The following WHRN variants were observed in gnomAD, a reference collection of about 807,000 sequenced individuals.
WHRN encodes the protein whirlin.
Under a neutral mutation model 68.3 loss-of-function variants are expected in WHRN, and 41 were observed. The observed-to-expected ratio is 0.60, with a 90% CI of 0.47 to 0.78. WHRN has a LOEUF of 0.78. Ranked by LOEUF, WHRN falls within the 30% of genes least tolerant of loss-of-function variation. The pLI is 0.00. For missense variants in WHRN, 1,243 were observed against 1,244.7 expected (o/e 1.00, Z 0.02); for synonymous variants, 560 against 561.3 (o/e 1.00, Z 0.03).
intron 1 of WHRN, among the ~76,000 whole-genome samples, chr9:114,488,113 A>G (rs10982246): frequency 0.4 from 60,090 of 152,074 alleles, 14,283 homozygotes; most frequent in East Asian, 0.59. Flanking sequence ...ATTCTCAAAC[A>G]GTGTTCAACC....
At chr9:114,492,292 A>G (rs1843050941) in intron 1 of WHRN, among the ~76,000 whole-genome samples, 1 of 152,230 alleles carries the variant, frequency 6.6e-6, no homozygotes, top group Admixed American at 6.5e-5. Context: ...AGACAGCCCA[A>G]GGAATTATTA....
intron 3 of WHRN, among the ~76,000 whole-genome samples, chr9:114,432,511 T>C (rs1336577743): frequency 6.6e-6 from 1 of 152,234 alleles, no homozygotes; most frequent in Non-Finnish European, 1.5e-5. Flanking sequence ...AGTGGCCATC[T>C]GGTGTGTGTT....
chr9:114,496,610 C>T (rs1843483391), intron 1 of WHRN, among the ~76,000 whole-genome samples: 1 of 152,310 alleles, frequency 6.6e-6, no homozygotes, highest in East Asian at 1.9e-4. Flanking sequence ...CAGTCCATAC[C>T]ATTTTTCATT....
At chr9:114,447,126 A>G (rs1838891461) in intron 3 of WHRN, among the ~76,000 whole-genome samples, 1 of 152,156 alleles carries the variant, frequency 6.6e-6, no homozygotes, top group Non-Finnish European at 1.5e-5. Flanking sequence ...TTTACATGTC[A>G]GGCACATAGA....
chr9:114,489,072 C>T (rs1535960), intron 1 of WHRN, among the ~76,000 whole-genome samples: 63,139 of 152,086 alleles, frequency 0.42, 14,872 homozygotes, highest in East Asian at 0.61. Flanking sequence ...CCAAGCTCTT[C>T]TCCACTTCAG....
chr9:114,422,167 G>A (rs759326890), intron 7 of WHRN, among the ~76,000 whole-genome samples: 4 of 152,098 alleles, frequency 2.6e-5, no homozygotes, highest in African/African-American at 7.2e-5. Context: ...AGCTAATACC[G>A]TATCTACCTC....
intron 1 of WHRN, among the ~76,000 whole-genome samples, chr9:114,486,650 T>C (rs1011566059): frequency 2.0e-5 from 3 of 151,914 alleles, no homozygotes; most frequent in Non-Finnish European, 4.4e-5. Flanking sequence ...AATGTGAGCA[T>C]AGACACATTA....
rs892589120 is a variant in WHRN at position 114,504,760 on chromosome 9, G to A, written c.42C>T (p.Ser14=). The change falls in exon 1 of 12, where the codon TCC becomes TCT. Residue 14 remains serine (S), a synonymous_variant. Transcript: ENST00000362057. ...CGGCCGCCGAGCCCAGCGAGCCGGT[G>A]GAGGACGAGCTCACCGACAGGCCGT... ...PLDGLSVSSS[S]TGSLGSAAGA... The A allele has an allele frequency of 2.0e-6, 3 of 1,505,646 alleles. No homozygotes were observed. Among genetic ancestry groups the A allele is most frequent in the African/African-American group, 1.4e-5 (1 of 69,670 alleles). The allele number at this position is 1,505,646 out of a possible 1,614,324, so 93.3% of individuals were successfully genotyped here. A position where few individuals can be genotyped will look rare whatever the true frequency, so the allele number is the denominator to read the frequency against.
intron 3 of WHRN, among the ~76,000 whole-genome samples, chr9:114,443,089 C>G (rs1838519036): frequency 6.6e-6 from 1 of 152,174 alleles, no homozygotes; most frequent in Non-Finnish European, 1.5e-5. Flanking sequence ...TGGGAATCCT[C>G]CAACTCCTAC....
At chr9:114,415,160 A>G (rs1178985985) in intron 7 of WHRN, among the ~76,000 whole-genome samples, 1 of 152,058 alleles carries the variant, frequency 6.6e-6, no homozygotes, top group Non-Finnish European at 1.5e-5. Context: ...TTAGCTGTGC[A>G]TGGGAGCATG....
intron 3 of WHRN, among the ~76,000 whole-genome samples, chr9:114,431,567 C>A (rs1837430364): frequency 6.6e-6 from 1 of 152,212 alleles, no homozygotes; most frequent in Non-Finnish European, 1.5e-5. Flanking sequence ...CCTTCCTCCT[C>A]TCTTGTTCTC....
At chr9:114,479,481 ATGC>A (rs1259210021) in intron 1 of WHRN, among the ~76,000 whole-genome samples, 2 of 152,162 alleles carry the variant, frequency 1.3e-5, no homozygotes, top group Non-Finnish European at 2.9e-5. Flanking sequence ...GTACAACCAT[ATGC>A]TGAATCCTGT....
intron 1 of WHRN, among the ~76,000 whole-genome samples, chr9:114,486,597 C>T (rs566961523): frequency 6.6e-6 from 1 of 152,096 alleles, no homozygotes; most frequent in South Asian, 2.1e-4. Flanking sequence ...CAGAGCAGTG[C>T]TCTTTCAGAT....
chr9:114,403,455 G>T (rs781346784), intron 10 of WHRN, 116 bp from the exon 11 acceptor site: 2 of 1,407,918 alleles, frequency 1.4e-6, no homozygotes, highest in Non-Finnish European at 2.0e-6. Flanking sequence ...CCAGCCCTGT[G>T]TCGGGAGCCT....
chr9:114,417,512 T>C (rs1360671430), intron 7 of WHRN, among the ~76,000 whole-genome samples: 3 of 152,268 alleles, frequency 2.0e-5, no homozygotes, highest in African/African-American at 4.8e-5. Flanking sequence ...GCCTCCATTT[T>C]GCACCAGCTC....
chr9:114,403,765 C>T lies in WHRN; in HGVS notation c.2418+131G>A, dbSNP rs139575809. On this transcript the variant is annotated intron_variant, in intron 10 of 11. Coordinates refer to ENST00000362057, the MANE Select transcript of WHRN (RefSeq NM_015404.4). ...GCTCCTCCAGGACGTCCAAATCCCT[C>T]CAGTTATAGGGAGCTCACTACCTCC... The T allele has an allele frequency of 3.4e-6, 4 of 1,168,760 alleles. No homozygotes were observed. In the African/African-American group the frequency reaches 6.0e-5, roughly 18 times the overall value. 72.4% of individuals were successfully genotyped at this position (1,168,760 alleles called of 1,614,324 possible).
intron 1 of WHRN, among the ~76,000 whole-genome samples, chr9:114,499,811 T>C (rs1467245911): frequency 1.3e-5 from 2 of 152,148 alleles, no homozygotes; most frequent in Non-Finnish European, 2.9e-5. Flanking sequence ...CACACTTATC[T>C]TTGCAGCTCC....
Position 114,423,466 on chromosome 9 carries a change from C to G in WHRN, c.1474G>C (p.Asp492His), listed in dbSNP as rs375229693. The G allele has an allele frequency of 1.1e-5, 17 of 1,614,012 alleles. 1 individual carries two copies. In the South Asian group the frequency reaches 1.9e-4, roughly 18 times the overall value. The change falls in exon 7 of 12, where the codon GAC becomes CAC. Residue 492 changes from aspartate (D) to histidine (H), a missense_variant. Physicochemically the swap from Asp to His is moderately conservative, Grantham distance 81. Coordinates refer to ENST00000362057, the MANE Select transcript of WHRN (RefSeq NM_015404.4). ...TISPQDLERFDHLVLRREIES... is the reference protein window; with the variant it reads ...TISPQDLERFHHLVLRREIES... ...ATCTCACGCCTCAGCACCAGGTGGT[C>G]GAAGCGTTCTAGGTCTTGCGGGGAA... is the stretch of plus-strand genomic sequence containing the variant.
rs180882127 is a variant in WHRN, at chr9:114,478,674, G to C, written c.716C>G (p.Pro239Arg). 1.2e-6 allele frequency: 2 copies of C among 1,613,088 alleles called. No homozygotes were observed. Among genetic ancestry groups the C allele is most frequent in the East Asian group, 2.2e-5 (1 of 44,882 alleles). ...GGGTGGGGAGATGCTGCGGCCCTGC[G>C]GGTCCACCCAGGTGTAGATGTGGTT... ...VTNHIYTWVD[P>R]QGRSISPPSG... Residue 239 changes from proline to arginine, a missense_variant, in exon 2 of 12, where the codon CCG becomes CGG. Pro to Arg is a moderately radical substitution (Grantham distance 103). Transcript: ENST00000362057.
Sources: gnomAD v4.1 joint callset for allele counts (sites outside exome capture counted in the v4.1 genomes callset) on GRCh38, gnomAD v4.1.1 for gene constraint, MANE v1.5 for transcripts, NCBI Gene and HGNC (gene_info 2026-07-23, HGNC 2026-07-21) for gene names.